The following PPP2R2D variants were observed in gnomAD, a reference collection of about 807,000 sequenced individuals.
The protein encoded by PPP2R2D is protein phosphatase 2 regulatory subunit Bdelta.
A neutral mutation model predicts 31.1 loss-of-function variants in PPP2R2D; 9 were observed. That is an observed-to-expected ratio of 0.29 (90% confidence interval 0.17 to 0.51). The LOEUF (loss-of-function observed/expected upper bound fraction) is 0.51, where lower values mean the gene tolerates loss of function less well. Among genes scored for constraint, PPP2R2D ranks in the 20% least tolerant of loss-of-function variants. The probability of loss-of-function intolerance (pLI) is 0.98; values close to 1 mark genes in which losing one functional copy is unlikely to be tolerated. For missense variants in PPP2R2D, 391 were observed against 465.6 expected, an observed-to-expected ratio of 0.84 and a Z score of 1.48; for synonymous variants, 179 against 172.6, an observed-to-expected ratio of 1.04 and a Z score of -0.29.
intron 2 of PPP2R2D, among the ~76,000 whole-genome samples, chr10:131,926,659 T>A (rs1365987369): frequency 1.3e-5 from 2 of 152,230 alleles, no homozygotes; most frequent in Non-Finnish European, 1.5e-5. Flanking sequence ...TTTCTGCATA[T>A]GTACTAAATT....
rs551673092 is a variant in PPP2R2D, at chr10:131,955,818, G to T, written c.1217G>T (p.Gly406Val). The T allele has an allele frequency of 5.0e-6, 8 of 1,609,978 alleles. No individual in the cohort carries two copies. In the Admixed American group the frequency reaches 1.3e-4, roughly 27 times the overall value. Residue 406 changes from glycine to valine, a missense_variant, in exon 9 of 9, where the codon GGG becomes GTG. Around this residue, in one of 3 missense-constraint regions of PPP2R2D, gnomAD observed 163 missense variants for 179.5 expected, o/e 0.91. Coordinates refer to ENST00000455566, the MANE Select transcript of PPP2R2D (RefSeq NM_018461.5). Reference protein sequence around the residue: ...ASLKPRKVCTGGKRRKDEISV... With the variant: ...ASLKPRKVCTVGKRRKDEISV... ...CTCAAACCCCGGAAGGTGTGTACGG[G>T]GGGTAAGCGGAGGAAAGACGAGATC...
chr10:131,937,226 A>G (rs371388508), intron 3 of PPP2R2D, among the ~76,000 whole-genome samples: 3 of 152,194 alleles, frequency 2.0e-5, no homozygotes, highest in African/African-American at 7.2e-5. Context: ...CGAGGTGGGA[A>G]GCATAGTCAG....
chr10:131,946,073 C>T (rs2036534397), intron 7 of PPP2R2D: 1 of 152,162 alleles, frequency 6.6e-6, no homozygotes. Context: ...GCCTCTGCCT[C>T]TGTGCGTGAG....
At chr10:131,934,745 T>C in intron 3 of PPP2R2D, 190 bp downstream of exon 3, 1 of 583,448 alleles carries the variant, frequency 1.7e-6, no homozygotes, top group Non-Finnish European at 3.2e-6. Context: ...CCCGGTGAAG[T>C]CTCCAAGGCC....
At chr10:131,952,995 G>A (rs1314881171) in intron 8 of PPP2R2D, among the ~76,000 whole-genome samples, 2 of 128,518 alleles carry the variant, frequency 1.6e-5, no homozygotes, top group African/African-American at 3.1e-5. Flanking sequence ...GTGACTTGCG[G>A]GTGTGCAGGG....
In PPP2R2D at chr10:131,906,422, C is replaced by G. The variant is rs913572955; in HGVS notation, c.100+5092C>G. Among the ~76,000 whole-genome samples the G allele has an allele frequency of 1.1e-4, 16 of 152,230 alleles. No homozygotes were observed. The East Asian group carries it at 2.5e-3, about 24-fold the overall frequency. ...ATTAACCTGTTTCTAAAGAGATAGA[C>G]TAAACAAAACTAAAGGTTTGTTTGC... is the stretch of plus-strand genomic sequence containing the variant. On this transcript the variant is annotated intron_variant, in intron 2 of 8. Coordinates refer to ENST00000455566, the MANE Select transcript of PPP2R2D (RefSeq NM_018461.5).
chr10:131,913,740 C>T (rs2035722904), intron 2 of PPP2R2D, among the ~76,000 whole-genome samples: 1 of 152,192 alleles, frequency 6.6e-6, no homozygotes, highest in Non-Finnish European at 1.5e-5. Context: ...ATTATTGTCT[C>T]ATGGGAACGC....
chr10:131,946,941 G>A (rs1006885860), intron 7 of PPP2R2D, among the ~76,000 whole-genome samples: 3 of 151,970 alleles, frequency 2.0e-5, no homozygotes, highest in African/African-American at 7.3e-5. Context: ...TTTGACCGGC[G>A]GGACCGTCTT....
intron 2 of PPP2R2D, among the ~76,000 whole-genome samples, chr10:131,910,866 C>T (rs2035670881): frequency 6.6e-6 from 1 of 152,134 alleles, no homozygotes; most frequent in African/African-American, 2.4e-5. Flanking sequence ...AGCTGATCAC[C>T]AGTGGCCAAA....
downstream of PPP2R2D, among the ~76,000 whole-genome samples, chr10:131,961,774 C>T (rs1351098031): frequency 6.6e-6 from 1 of 152,118 alleles, no homozygotes; most frequent in Non-Finnish European, 1.5e-5. Flanking sequence ...TGCCTCTGGC[C>T]AGGGCAGGTG....
At chr10:131,911,731 G>C (rs1199935313) in intron 2 of PPP2R2D, 1 of 135,416 alleles carries the variant, frequency 7.4e-6, no homozygotes, top group African/African-American at 2.8e-5. Flanking sequence ...CCTCTGAGAG[G>C]TTCTTGACCG....
chr10:131,949,747 G>A (rs1176338050), intron 8 of PPP2R2D, among the ~76,000 whole-genome samples: 2 of 151,360 alleles, frequency 1.3e-5, no homozygotes, highest in African/African-American at 2.4e-5. Flanking sequence ...ATACATGACC[G>A]CCAAACATGA....
chr10:131,909,415 C>T (rs964676750), intron 2 of PPP2R2D, among the ~76,000 whole-genome samples: 1 of 150,726 alleles, frequency 6.6e-6, no homozygotes, highest in South Asian at 2.1e-4. Context: ...TAGGAAGTTA[C>T]TGCAATAATA....
At chr10:131,903,551 C>T (rs974079377) in intron 2 of PPP2R2D, among the ~76,000 whole-genome samples, 3 of 151,448 alleles carry the variant, frequency 2.0e-5, no homozygotes, top group Admixed American at 6.6e-5. Flanking sequence ...GTTTTAAATC[C>T]CTATTTTAAG....
chr10:131,927,589 C>A (rs1175950755), intron 2 of PPP2R2D, among the ~76,000 whole-genome samples: 1 of 152,088 alleles, frequency 6.6e-6, no homozygotes, highest in Non-Finnish European at 1.5e-5. Context: ...CCAGCAAAGA[C>A]CCCCAGTAAA....
In PPP2R2D at chr10:131,947,090, G is replaced by C. The variant is rs1247852310; in HGVS notation, c.821-440G>C. ...TCTGCATGACCATATAATGCTGTTT[G>C]TGTCTTCCTGTGATGTGTATGCGAT... On this transcript the variant is annotated intron_variant, in intron 7 of 8. Transcript: ENST00000455566. This position sits in a 1 kb window ranked among gnomAD's most constrained non-coding sequence, Gnocchi z 4.3. 6.6e-6 allele frequency among the ~76,000 whole-genome samples: 1 copy of C among 152,194 alleles called. No individual in the cohort carries two copies. The highest frequency in any genetic ancestry group is 1.5e-5 in the Non-Finnish European group (1 of 68,042).
intron 2 of PPP2R2D, among the ~76,000 whole-genome samples, chr10:131,902,074 C>A (rs1164447629): frequency 6.6e-6 from 1 of 152,118 alleles, no homozygotes; most frequent in African/African-American, 2.4e-5. Context: ...GTGCCTCCCA[C>A]CCCAGCTTCC....
chr10:131,922,594 A>T (rs1157992617), intron 2 of PPP2R2D, among the ~76,000 whole-genome samples: 2 of 151,918 alleles, frequency 1.3e-5, no homozygotes, highest in African/African-American at 4.8e-5. Context: ...CTGGGATTAC[A>T]GGTGCACACC....
chr10:131,910,897 C>A (rs1169105233), intron 2 of PPP2R2D, among the ~76,000 whole-genome samples: 8 of 152,176 alleles, frequency 5.3e-5, no homozygotes, highest in African/African-American at 1.9e-4. Context: ...TATGTATGGA[C>A]TGGGTTTGAA....
Sources: gnomAD v4.1 joint callset for allele counts (sites outside exome capture counted in the v4.1 genomes callset) on GRCh38, gnomAD v4.1.1 for gene constraint, gnomAD v4.1.1 regional missense constraint, Gnocchi (gnomAD v3.1) non-coding constraint, MANE v1.5 for transcripts, NCBI Gene and HGNC (gene_info 2026-07-23, HGNC 2026-07-21) for gene names.